Variants in ZSWIM6 observed in about 807,000 individuals in gnomAD.
ZSWIM6 encodes zinc finger SWIM domain-containing protein 6.
In ZSWIM6, 9 loss-of-function variants were observed where a neutral mutation model predicts 113.2. The observed-to-expected ratio is 0.08, with a 90% CI of 0.05 to 0.14. The LOEUF is 0.14. Ranked by LOEUF, ZSWIM6 falls within the 10% of genes least tolerant of loss-of-function variation. The pLI is 1.00. For synonymous variants in ZSWIM6, 611 were observed against 606.5 expected, an observed-to-expected ratio of 1.01 and a Z score of -0.11; for missense variants, 1,162 against 1,552.2, an observed-to-expected ratio of 0.75 and a Z score of 4.22.
At chr5:61,519,569 G>C (rs1355807010) in intron 4 of ZSWIM6, among the ~76,000 whole-genome samples, 2 of 115,894 alleles carry the variant, frequency 1.7e-5, no homozygotes, top group Non-Finnish European at 4.1e-5. Flanking sequence ...CAAAGTTTTT[G>C]TTGTTATCAT....
chr5:61,380,415 CTAACAAT>C (rs1168520598), intron 1 of ZSWIM6, among the ~76,000 whole-genome samples: 2 of 152,180 alleles, frequency 1.3e-5, no homozygotes, highest in Non-Finnish European at 2.9e-5. Context: ...GTAAGTTTTC[CTAACAAT>C]TAACATCTGT....
chr5:61,531,674 G>T lies in ZSWIM6; in HGVS notation c.2194G>T (p.Asp732Tyr). 6.4e-7 allele frequency: 1 copy of T among 1,551,694 alleles called. No individual in the cohort carries two copies. Among genetic ancestry groups the T allele is most frequent in the Non-Finnish European group, 8.7e-7 (1 of 1,146,982 alleles). ...LISKLQEIEL[D>Y]DTLVKIFRKQ... ...TTCTAAGCTTCAGGAAATTGAATTGGATGACACACTGGTGAAAATTTTTCG... is the reference window on the plus strand; with the variant it reads ...TTCTAAGCTTCAGGAAATTGAATTGTATGACACACTGGTGAAAATTTTTCG... The change falls in exon 9 of 14, where the codon GAT becomes TAT. Residue 732 changes from aspartate (D) to tyrosine (Y), a missense_variant. Physicochemically the swap from Asp to Tyr is radical, Grantham distance 160. Transcript: ENST00000252744.
chr5:61,343,914 G>T (rs1209542875), intron 1 of ZSWIM6, among the ~76,000 whole-genome samples: 1 of 145,628 alleles, frequency 6.9e-6, no homozygotes, highest in African/African-American at 2.6e-5. Context: ...GAGACAGAGT[G>T]TCTCTCTTGT....
chr5:61,391,350 G>C, intron 1 of ZSWIM6: 1 of 826,024 alleles, frequency 1.2e-6, no homozygotes, highest in Non-Finnish European at 2.2e-6. Context: ...CCTTCCTCTG[G>C]TGCAGAGGAA....
At chr5:61,522,772 T>C (rs1749166229) in intron 5 of ZSWIM6, among the ~76,000 whole-genome samples, 1 of 152,228 alleles carries the variant, frequency 6.6e-6, no homozygotes, top group Non-Finnish European at 1.5e-5. Context: ...CAACATTTAT[T>C]CTCTTCCGTT....
intron 11 of ZSWIM6, 47 bp downstream of exon 11, chr5:61,539,018 G>A (rs1271153792): frequency 1.4e-6 from 2 of 1,438,948 alleles, no homozygotes; most frequent in East Asian, 2.6e-5. Flanking sequence ...TCGTTTGCCT[G>A]TTTATTTTTT....
intron 1 of ZSWIM6, among the ~76,000 whole-genome samples, chr5:61,435,870 T>C (rs1263151568): frequency 6.6e-6 from 1 of 152,162 alleles, no homozygotes; most frequent in Non-Finnish European, 1.5e-5. Context: ...TAGTCAAGAA[T>C]TGATATTTAA....
chr5:61,361,851 G>A (rs1369435355), intron 1 of ZSWIM6, among the ~76,000 whole-genome samples: 3 of 152,210 alleles, frequency 2.0e-5, no homozygotes, highest in African/African-American at 7.2e-5. Context: ...TGTGAAATTT[G>A]CAAGAAGATC....
At chr5:61,429,820 G>A (rs1479616297) in intron 1 of ZSWIM6, among the ~76,000 whole-genome samples, 1 of 152,074 alleles carries the variant, frequency 6.6e-6, no homozygotes, top group Non-Finnish European at 1.5e-5. Flanking sequence ...CCATTGCTCA[G>A]CTCCAGTGGG....
intron 9 of ZSWIM6, 46 bp from the exon 10 acceptor site, chr5:61,535,434 TGTTA>T: frequency 1.3e-6 from 2 of 1,543,320 alleles, no homozygotes; most frequent in Non-Finnish European, 1.8e-6. Context: ...TTACAAGAAG[TGTTA>T]GTTCATTTTT....
intron 1 of ZSWIM6, among the ~76,000 whole-genome samples, chr5:61,380,340 T>G (rs1745449851): frequency 6.6e-6 from 1 of 152,204 alleles, no homozygotes; most frequent in Non-Finnish European, 1.5e-5. Flanking sequence ...CCTCCCAAAG[T>G]GCTGGCATTA....
At chr5:61,376,275 CTG>C (rs1272221782) in intron 1 of ZSWIM6, among the ~76,000 whole-genome samples, 1 of 91,694 alleles carries the variant, frequency 1.1e-5, no homozygotes, top group Non-Finnish European at 2.1e-5. Flanking sequence ...AACCCTTACT[CTG>C]TAGATAAGTG....
At chr5:61,343,623 G>A (rs1478167346) in intron 1 of ZSWIM6, among the ~76,000 whole-genome samples, 1 of 152,168 alleles carries the variant, frequency 6.6e-6, no homozygotes, top group Non-Finnish European at 1.5e-5. Flanking sequence ...TGGTGTGGCT[G>A]TAGGTCTTTG....
At chr5:61,460,479 C>CCCTT (rs1407479369) in intron 1 of ZSWIM6, among the ~76,000 whole-genome samples, 2 of 152,078 alleles carry the variant, frequency 1.3e-5, no homozygotes, top group Non-Finnish European at 2.9e-5. Flanking sequence ...ACCTTGGGAA[C>CCCTT]CCTTCCCTCT....
chr5:61,424,420 G>C (rs370363324), intron 1 of ZSWIM6, among the ~76,000 whole-genome samples: 22 of 152,198 alleles, frequency 1.4e-4, no homozygotes, highest in South Asian at 2.1e-4. Flanking sequence ...AATGTCTTCT[G>C]AGGTGGGAAA....
chr5:61,485,000 G>C (rs1414090965), intron 2 of ZSWIM6, among the ~76,000 whole-genome samples: 3 of 152,200 alleles, frequency 2.0e-5, no homozygotes, highest in Non-Finnish European at 4.4e-5. Context: ...TAATGTTTAT[G>C]AGGATGCTTT....
At chr5:61,345,577 C>A (rs568350027) in intron 1 of ZSWIM6, among the ~76,000 whole-genome samples, 76 of 152,228 alleles carry the variant, frequency 5.0e-4, no homozygotes, top group Non-Finnish European at 6.6e-4. Context: ...CATAGAAAAA[C>A]TGAGGGCATG....
intron 1 of ZSWIM6, among the ~76,000 whole-genome samples, chr5:61,361,043 T>G (rs1048045294): frequency 1.3e-5 from 2 of 152,134 alleles, no homozygotes; most frequent in Non-Finnish European, 2.9e-5. Flanking sequence ...ATTCTTGTGG[T>G]CTTTTTCCTT....
intron 1 of ZSWIM6, chr5:61,375,847 T>G: frequency 1.0e-6 from 1 of 972,522 alleles, no homozygotes; most frequent in South Asian, 1.4e-5. Flanking sequence ...AAGTCCTGAC[T>G]CACCGTAACA....
Sources: gnomAD v4.1 joint callset for allele counts (sites outside exome capture counted in the v4.1 genomes callset) on GRCh38, gnomAD v4.1.1 for gene constraint, MANE v1.5 for transcripts, NCBI Gene and HGNC (gene_info 2026-07-23, HGNC 2026-07-21) for gene names.